The following CGNL1 variants were observed in gnomAD, a reference collection of about 807,000 sequenced individuals.
CGNL1 encodes cingulin like 1.
A neutral mutation model predicts 141.2 loss-of-function variants in CGNL1; 132 were observed. That is an observed-to-expected ratio of 0.93 (90% confidence interval 0.81 to 1.08). The LOEUF is 1.08. Ranked by LOEUF, CGNL1 falls within the 50% of genes least tolerant of loss-of-function variation. The pLI is 0.00. For synonymous variants in CGNL1, 690 were observed against 622.1 expected (o/e 1.11, Z -1.63); for missense variants, 1,870 against 1,588.6 (o/e 1.18, Z -3.01).
At chr15:57,385,174 T>C (rs1432887747) in intron 1 of CGNL1, among the ~76,000 whole-genome samples, 3 of 152,204 alleles carry the variant, frequency 2.0e-5, no homozygotes, top group South Asian at 4.1e-4. Context: ...ACCAAATACC[T>C]GGTAAGGTTC....
At chr15:57,397,129 G>A (rs1008801265) in intron 1 of CGNL1, 1 of 152,234 alleles carries the variant, frequency 6.6e-6, no homozygotes, top group African/African-American at 2.4e-5. Context: ...CTGAGGCTGG[G>A]GGGGATGAAA....
chr15:57,475,322 T>C (rs1181880636), intron 8 of CGNL1, among the ~76,000 whole-genome samples: 2 of 132,514 alleles, frequency 1.5e-5, no homozygotes, highest in Non-Finnish European at 3.3e-5. Context: ...AAGGATTCCC[T>C]GTCACCTCCA....
intron 1 of CGNL1, among the ~76,000 whole-genome samples, chr15:57,422,700 C>T (rs2062929344): frequency 6.6e-6 from 1 of 152,040 alleles, no homozygotes; most frequent in South Asian, 2.1e-4. Context: ...AAAAATTGCT[C>T]CCAGGTTGCA....
At chr15:57,430,805 C>T (rs2063036001) in intron 1 of CGNL1, among the ~76,000 whole-genome samples, 1 of 152,160 alleles carries the variant, frequency 6.6e-6, no homozygotes, top group Non-Finnish European at 1.5e-5. Context: ...CTGCAACCTC[C>T]ACCCCCAGGG....
chr15:57,524,037 T>C (rs1414185737), intron 11 of CGNL1, among the ~76,000 whole-genome samples: 2 of 152,216 alleles, frequency 1.3e-5, no homozygotes, highest in Non-Finnish European at 2.9e-5. Context: ...TTTCTCTTTA[T>C]GTCTGCCCCA....
intron 8 of CGNL1, among the ~76,000 whole-genome samples, chr15:57,489,872 G>T (rs2063834509): frequency 6.7e-6 from 1 of 148,620 alleles, no homozygotes. Context: ...TACTGCCATT[G>T]TAGGTAGATG....
At chr15:57,414,394 C>T (rs192686118) in intron 1 of CGNL1, among the ~76,000 whole-genome samples, 1 of 152,322 alleles carries the variant, frequency 6.6e-6, no homozygotes, top group Admixed American at 6.5e-5. Flanking sequence ...CAGTAACAGT[C>T]ATCCCTTTAT....
At position 57,439,401 on chromosome 15, in the gene CGNL1, G is replaced by T. The variant is rs748712549; in HGVS notation, c.1402G>T (p.Gly468Trp). ...HSRPPQPNID[G>W]KVLETEGSQE... ...CAGGCCTCCCCAGCCGAACATAGAT[G>T]GGAAAGTTCTGGAAACCGAAGGTAG... The change falls in exon 2 of 19, where the codon GGG (glycine) becomes TGG (tryptophan). Residue 468 changes from glycine to tryptophan, a missense_variant. Gly to Trp is a radical substitution (Grantham distance 184). Coordinates refer to ENST00000281282, the MANE Select transcript of CGNL1 (RefSeq NM_032866.5). 4 of 1,614,182 alleles carry T rather than the reference G, an allele frequency of 2.5e-6. No homozygotes were observed. The highest frequency in any genetic ancestry group is 3.4e-6 in the Non-Finnish European group (4 of 1,180,022).
At chr15:57,520,662 T>G (rs1320915320) in intron 10 of CGNL1, among the ~76,000 whole-genome samples, 1 of 152,222 alleles carries the variant, frequency 6.6e-6, no homozygotes, top group African/African-American at 2.4e-5. Context: ...AAGAAGCCTT[T>G]GCTGGAGAAA....
intron 1 of CGNL1, among the ~76,000 whole-genome samples, chr15:57,434,574 C>T (rs2063082629): frequency 6.6e-6 from 1 of 152,018 alleles, no homozygotes; most frequent in South Asian, 2.1e-4. Context: ...AAAACCCACC[C>T]CTGGGTATGC....
intron 1 of CGNL1, among the ~76,000 whole-genome samples, chr15:57,424,753 T>A (rs2062954723): frequency 6.6e-6 from 1 of 152,188 alleles, no homozygotes; most frequent in African/African-American, 2.4e-5. Context: ...GTTTCATAGT[T>A]GTTTGAATAA....
chr15:57,420,888 A>G (rs939210864), intron 1 of CGNL1, among the ~76,000 whole-genome samples: 1 of 152,182 alleles, frequency 6.6e-6, no homozygotes, highest in Non-Finnish European at 1.5e-5. Context: ...CTGCTGGATG[A>G]TGATATTGTA....
At chr15:57,456,397 A>G (rs2063379251) in intron 7 of CGNL1, among the ~76,000 whole-genome samples, 1 of 152,154 alleles carries the variant, frequency 6.6e-6, no homozygotes. Flanking sequence ...AGACCCCTGT[A>G]TGCAGTCAGT....
At chr15:57,476,270 A>G (rs2063656645) in intron 8 of CGNL1, among the ~76,000 whole-genome samples, 3 of 152,090 alleles carry the variant, frequency 2.0e-5, no homozygotes, top group Admixed American at 6.5e-5. Flanking sequence ...GGGCAGTGGG[A>G]ATTAGCAAGG....
In CGNL1 at chr15:57,550,264, T is replaced by C. The variant is rs8784; in HGVS notation, c.*2774T>C. ...TCCCGGCTCATCTCACCCCAGTGACTTTGACAGTGTGCTCACTCTCAGAGC... is the reference window on the plus strand; with the variant it reads ...TCCCGGCTCATCTCACCCCAGTGACCTTGACAGTGTGCTCACTCTCAGAGC... On this transcript the variant is annotated 3_prime_UTR_variant, in exon 19 of 19. Coordinates refer to ENST00000281282, the MANE Select transcript of CGNL1 (RefSeq NM_032866.5). The C allele has an allele frequency of 0.69, 105,713 of 152,454 alleles. 36,850 individuals carry two copies. Among genetic ancestry groups the C allele is most frequent in the Middle Eastern group, 0.73 (215 of 294 alleles). The allele number at this position is 152,454 out of a possible 1,614,324, so 9.4% of individuals were successfully genotyped here.
At chr15:57,528,112 C>G (rs2031728049) in intron 12 of CGNL1, among the ~76,000 whole-genome samples, 1 of 152,078 alleles carries the variant, frequency 6.6e-6, no homozygotes, top group South Asian at 2.1e-4. Flanking sequence ...CAAAAATTAG[C>G]TCAGTGTGGT....
chr15:57,469,985 T>C (rs1414722288), intron 8 of CGNL1, among the ~76,000 whole-genome samples: 2 of 152,208 alleles, frequency 1.3e-5, no homozygotes, highest in African/African-American at 4.8e-5. Context: ...TAAAATCTCA[T>C]TTCTGTCTTC....
At chr15:57,542,143 T>A (rs1025841083) in intron 14 of CGNL1, among the ~76,000 whole-genome samples, 1 of 152,096 alleles carries the variant, frequency 6.6e-6, no homozygotes, top group Non-Finnish European at 1.5e-5. Flanking sequence ...TTGCTCTCCA[T>A]GGGGGACAGT....
chr15:57,546,443 T>C (rs1236341147), intron 18 of CGNL1, among the ~76,000 whole-genome samples: 1 of 152,204 alleles, frequency 6.6e-6, no homozygotes, highest in Non-Finnish European at 1.5e-5. Flanking sequence ...GTCATTCTTA[T>C]ACCAATGCCC....
Sources: allele counts gnomAD v4.1 joint callset (sites outside exome capture counted in the v4.1 genomes callset), GRCh38; gene constraint gnomAD v4.1.1; transcripts MANE v1.5; gene names NCBI Gene and HGNC (gene_info 2026-07-23, HGNC 2026-07-21).